EMG1: variants seen among roughly 807,000 people sequenced by gnomAD.
The protein encoded by EMG1 is ribosomal RNA small subunit methyltransferase NEP1.
EMG1 carries 24 observed loss-of-function variants against 26.9 expected under a neutral mutation model. The ratio of observed to expected loss-of-function variants is 0.89; its 90% CI spans 0.65 to 1.26. The LOEUF (loss-of-function observed/expected upper bound fraction) is 1.26. EMG1 is among the 50% of genes most tolerant of loss of function. The pLI is 0.00. For missense variants in EMG1, 299 were observed against 307.6 expected (o/e 0.97, Z 0.21); for synonymous variants, 140 against 112.6 (o/e 1.24, Z -1.54).
Position 6,978,288 on chromosome 12 carries a change from G to T in EMG1, c.*2479G>T. ...TGGTACACCCCTGCCCTCCAATCTG[G>T]GAAGACAGTGGAAGGAAGGAACCAG... On this transcript the variant is annotated 3_prime_UTR_variant, in exon 6 of 6. Coordinates refer to ENST00000599672, the MANE Select transcript of EMG1 (RefSeq NM_006331.8). 6.4e-7 allele frequency: 1 copy of T among 1,560,568 alleles called. No individual in the cohort carries two copies. Among genetic ancestry groups the T allele is most frequent in the Non-Finnish European group, 8.7e-7 (1 of 1,151,780 alleles).
intron 1 of EMG1, 116 bp from the exon 2 acceptor site, chr12:6,974,222 GC>G (rs1320081864): frequency 2.7e-6 from 2 of 747,114 alleles, no homozygotes; most frequent in Admixed American, 4.1e-5. Context: ...CTGAGAATTT[GC>G]CTAACAAGTT....
At chr12:6,973,628 C>T (rs909145483) in intron 1 of EMG1, among the ~76,000 whole-genome samples, 7 of 152,058 alleles carry the variant, frequency 4.6e-5, no homozygotes, top group East Asian at 1.9e-4. Context: ...CTGCAAGCTC[C>T]GCCTCCTGGG....
rs1555152914 is a variant in EMG1, at chr12:6,975,117, G to A, written c.440G>A (p.Arg147Gln). ...MVQLLHKLSVRAADGPQKLLK... is the reference protein window; with the variant it reads ...MVQLLHKLSVQAADGPQKLLK... Reference sequence around the variant, plus strand: ...CAACTTTTACACAAGCTCAGTGTTCGAGCAGCTGATGGCCCCCAGAAGCTT... The same window carrying A: ...CAACTTTTACACAAGCTCAGTGTTCAAGCAGCTGATGGCCCCCAGAAGCTT... The change falls in exon 4 of 6, where the codon CGA becomes CAA. Residue 147 changes from arginine to glutamine, a missense_variant. Coordinates refer to ENST00000599672, the MANE Select transcript of EMG1 (RefSeq NM_006331.8). 2 of 1,614,010 alleles carry A rather than the reference G, an allele frequency of 1.2e-6. No homozygotes were observed. Among genetic ancestry groups the A allele is most frequent in the South Asian group, 1.1e-5 (1 of 91,074 alleles).
At chr12:6,980,428 C>A (rs1946458045), downstream of EMG1, among the ~76,000 whole-genome samples, 1 of 152,160 alleles carries the variant, frequency 6.6e-6, no homozygotes, top group Non-Finnish European at 1.5e-5. Flanking sequence ...AAGCTCACTG[C>A]AGCCTTGACC....
downstream of EMG1, chr12:6,983,128 A>T (rs1946487625): frequency 2.0e-6 from 1 of 493,302 alleles, no homozygotes; most frequent in African/African-American, 2.0e-5. Flanking sequence ...GTGAAGAATG[A>T]ATCTAAGTGG....
At chr12:6,980,982 C>G (rs782406411), downstream of EMG1, 1 of 1,559,588 alleles carries the variant, frequency 6.4e-7, no homozygotes, top group East Asian at 2.3e-5. Flanking sequence ...ACACAAACAT[C>G]TGGACCAAGA....
rs782532544 is a variant in EMG1 at position 6,978,533 on chromosome 12, C to T, written c.*2724C>T. On this transcript the variant is annotated 3_prime_UTR_variant, in exon 6 of 6. Coordinates refer to ENST00000599672, the MANE Select transcript of EMG1 (RefSeq NM_006331.8). ...CTGAGAGGGAATAGCTCAGTTAGGG[C>T]TCTTGCCACTCCCCATACTGGCCCC... is the stretch of plus-strand genomic sequence containing the variant. 1.6e-5 allele frequency: 25 copies of T among 1,611,626 alleles called. No individual in the cohort carries two copies. The highest frequency in any genetic ancestry group is 2.0e-5 in the Non-Finnish European group (23 of 1,178,292).
chr12:6,981,746 G>A (rs147315915), downstream of EMG1: 39 of 1,468,244 alleles, frequency 2.7e-5, no homozygotes, highest in East Asian at 8.9e-4. Context: ...GGGTGCCGAG[G>A]AAGTTTTTAG....
chr12:6,982,052 G>A (rs1237811397), downstream of EMG1: 2 of 615,282 alleles, frequency 3.3e-6, no homozygotes, highest in African/African-American at 1.8e-5. Flanking sequence ...CTGAAAACCT[G>A]TAATGGGAAG....
chr12:6,994,912 C>A (rs1555155883), intron 7 of EMG1, among the ~76,000 whole-genome samples: 1 of 152,182 alleles, frequency 6.6e-6, no homozygotes, highest in Non-Finnish European at 1.5e-5. Flanking sequence ...ACTATTCTTG[C>A]TACACTGCTT....
downstream of EMG1, among the ~76,000 whole-genome samples, chr12:6,991,145 T>C (rs368748447): frequency 2.6e-5 from 4 of 152,332 alleles, no homozygotes; most frequent in African/African-American, 9.6e-5. Flanking sequence ...TCTGACTTAA[T>C]AGAAGATGAC....
downstream of EMG1, chr12:6,981,920 GTATT>G (rs782421956): frequency 2.1e-5 from 28 of 1,345,158 alleles, 1 homozygote; most frequent in Admixed American, 4.7e-4. Context: ...AGAGGCAGAA[GTATT>G]TATTCTAGCA....
Position 6,979,376 on chromosome 12 carries a change from A to C in EMG1, c.*3567A>C. The C allele has an allele frequency of 8.9e-6, 8 of 900,672 alleles. No homozygotes were observed. The South Asian group carries it at 1.2e-4, about 13-fold the overall frequency. 55.8% of individuals were successfully genotyped at this position (900,672 alleles called of 1,614,324 possible). A position where few individuals can be genotyped will look rare whatever the true frequency, so the allele number is the denominator to read the frequency against. On this transcript the variant is annotated 3_prime_UTR_variant, in exon 6 of 6. Coordinates refer to ENST00000599672, the MANE Select transcript of EMG1 (RefSeq NM_006331.8). The stretch of plus-strand genomic sequence containing the variant: ...CAAAACCAACATGCACTTGTAGATG[A>C]TATTTCCTACTTCTCTGCTATCTGT...
At chr12:6,985,824 T>A (rs1236108525) in intron 6 of EMG1, among the ~76,000 whole-genome samples, 2 of 144,614 alleles carry the variant, frequency 1.4e-5, no homozygotes, top group Non-Finnish European at 3.0e-5. Flanking sequence ...GGCTGGAGAG[T>A]GCAATGGCAC....
At chr12:6,972,169 C>T (rs1264666552) in intron 1 of EMG1, among the ~76,000 whole-genome samples, 4 of 150,954 alleles carry the variant, frequency 2.6e-5, no homozygotes, top group Admixed American at 6.6e-5. Context: ...CGGGTTCAAT[C>T]GATTCTCCTG....
chr12:6,972,649 CAG>C (rs1225469620), intron 1 of EMG1, among the ~76,000 whole-genome samples: 1 of 152,152 alleles, frequency 6.6e-6, no homozygotes, highest in Non-Finnish European at 1.5e-5. Context: ...TTCCAGTGTA[CAG>C]AGAGTTGTTA....
chr12:6,974,994 G>A (rs1946376013), intron 3 of EMG1, 96 bp from the exon 4 acceptor site: 1 of 1,233,306 alleles, frequency 8.1e-7, no homozygotes, highest in African/African-American at 1.5e-5. Flanking sequence ...AAGCACACAG[G>A]GAACTCATCT....
Position 6,978,523 on chromosome 12 carries a change from T to G in EMG1, c.*2714T>G, listed in dbSNP as rs371533790. On this transcript the variant is annotated 3_prime_UTR_variant, in exon 6 of 6. Coordinates refer to ENST00000599672, the MANE Select transcript of EMG1 (RefSeq NM_006331.8). Reference sequence around the variant, plus strand: ...ATACTCCTTCCTGAGAGGGAATAGCTCAGTTAGGGCTCTTGCCACTCCCCA... The same window carrying G: ...ATACTCCTTCCTGAGAGGGAATAGCGCAGTTAGGGCTCTTGCCACTCCCCA... 1 of 1,611,880 alleles carries G rather than the reference T, an allele frequency of 6.2e-7. No homozygotes were observed. The highest frequency in any genetic ancestry group is 8.5e-7 in the Non-Finnish European group (1 of 1,178,314).
intron 7 of EMG1, among the ~76,000 whole-genome samples, chr12:6,996,886 A>G (rs183792376): frequency 1.1e-4 from 17 of 152,356 alleles, no homozygotes; most frequent in Middle Eastern, 6.8e-3. Context: ...GTAAAGACAC[A>G]GCGGTAGGAA....
Sources: gnomAD v4.1 joint callset for allele counts (sites outside exome capture counted in the v4.1 genomes callset) on GRCh38, gnomAD v4.1.1 for gene constraint, MANE v1.5 for transcripts, NCBI Gene and HGNC (gene_info 2026-07-23, HGNC 2026-07-21) for gene names.